Variants in PDE1A observed in about 807,000 individuals in gnomAD.
PDE1A encodes dual specificity calcium/calmodulin-dependent 3',5'-cyclic nucleotide phosphodiesterase 1A.
In PDE1A, 35 loss-of-function variants were observed where a neutral mutation model predicts 61.7. The ratio of observed to expected loss-of-function variants is 0.57; its 90% confidence interval spans 0.43 to 0.75. The LOEUF (loss-of-function observed/expected upper bound fraction) is 0.75, where lower values mean the gene tolerates loss of function less well. Among genes scored for constraint, PDE1A ranks in the 30% least tolerant of loss-of-function variants. The pLI, the probability that PDE1A is intolerant of heterozygous loss-of-function variation, is 0.00. For synonymous variants in PDE1A, 232 were observed against 213.2 expected (o/e 1.09, Z -0.77); for missense variants, 597 against 630.6 (o/e 0.95, Z 0.57).
chr2:182,423,239 A>G (rs189513160), intron 1 of PDE1A, among the ~76,000 whole-genome samples: 45 of 152,272 alleles, frequency 3.0e-4, no homozygotes, highest in African/African-American at 9.6e-4. Flanking sequence ...TTTTTAAAAA[A>G]TAGATTTGAT....
chr2:182,649,232 G>A, the PDE1A span, among the ~76,000 whole-genome samples: 8 of 152,200 alleles, frequency 5.3e-5, no homozygotes, highest in African/African-American at 1.9e-4. Context: ...CCCACTGCCT[G>A]GCGACAGGGT....
chr2:182,231,210 G>T, intron 4 of PDE1A, 79 bp from the exon 5 acceptor site: 1 of 767,126 alleles, frequency 1.3e-6, no homozygotes, highest in Non-Finnish European at 2.2e-6. Flanking sequence ...ATAAGGCATT[G>T]TACATTTAGC....
upstream of PDE1A, among the ~76,000 whole-genome samples, chr2:182,525,964 G>T (rs1192837203): frequency 6.6e-6 from 1 of 151,936 alleles, no homozygotes; most frequent in African/African-American, 2.4e-5. Flanking sequence ...ACATAGCAAT[G>T]GAAAATCATA....
the PDE1A span, among the ~76,000 whole-genome samples, chr2:182,666,401 T>C: frequency 1.3e-5 from 2 of 152,074 alleles, no homozygotes; most frequent in South Asian, 4.1e-4. Flanking sequence ...GTGGATTACC[T>C]GAGATCAGGA....
At chr2:182,490,914 T>C (rs1234497312) in intron 2 of PDE1A, among the ~76,000 whole-genome samples, 2 of 151,936 alleles carry the variant, frequency 1.3e-5, no homozygotes, top group African/African-American at 2.4e-5. Flanking sequence ...GCTGTAGACA[T>C]AGTAGGGAAG....
the PDE1A span, among the ~76,000 whole-genome samples, chr2:182,548,539 A>C: frequency 6.6e-6 from 1 of 152,160 alleles, no homozygotes; most frequent in African/African-American, 2.4e-5. Context: ...TCAAAAACAC[A>C]CACAGACCAA....
chr2:182,534,195 A>T, the PDE1A span, among the ~76,000 whole-genome samples: 3 of 152,016 alleles, frequency 2.0e-5, no homozygotes, highest in Non-Finnish European at 4.4e-5. Flanking sequence ...CTTCTCTTCA[A>T]AATTGTACAT....
chr2:182,596,835 G>A, the PDE1A span, among the ~76,000 whole-genome samples: 3 of 152,144 alleles, frequency 2.0e-5, no homozygotes, highest in Non-Finnish European at 2.9e-5. Context: ...AATGAGGTGT[G>A]AAGAATAGAA....
chr2:182,274,670 A>G (rs1370827165), intron 1 of PDE1A, among the ~76,000 whole-genome samples: 1 of 152,076 alleles, frequency 6.6e-6, no homozygotes, highest in Non-Finnish European at 1.5e-5. Flanking sequence ...TTAGACTCCA[A>G]TTTGATTGAT....
At chr2:182,575,810 ATTAC>A in the PDE1A span, among the ~76,000 whole-genome samples, 2 of 146,542 alleles carry the variant, frequency 1.4e-5, no homozygotes, top group South Asian at 2.1e-4. Flanking sequence ...TTAATTATTA[ATTAC>A]TTAGTCTTTG....
At chr2:182,710,581 A>T in the PDE1A span, among the ~76,000 whole-genome samples, 5 of 152,170 alleles carry the variant, frequency 3.3e-5, no homozygotes, top group Non-Finnish European at 7.4e-5. Context: ...TTTAGATTCT[A>T]CAGATAAGTA....
At chr2:182,434,247 C>T (rs1704099047) in intron 2 of PDE1A, among the ~76,000 whole-genome samples, 1 of 152,044 alleles carries the variant, frequency 6.6e-6, no homozygotes, top group Admixed American at 6.6e-5. Flanking sequence ...TCTTGTAATG[C>T]TTCAAAACAT....
intron 3 of PDE1A, among the ~76,000 whole-genome samples, chr2:182,236,164 A>C (rs1459597443): frequency 2.0e-5 from 3 of 152,236 alleles, no homozygotes; most frequent in Non-Finnish European, 2.9e-5. Flanking sequence ...GTGGGTGATT[A>C]GGTAGAATAA....
the PDE1A span, among the ~76,000 whole-genome samples, chr2:182,579,397 G>A: frequency 3.9e-4 from 60 of 152,310 alleles, no homozygotes; most frequent in African/African-American, 1.3e-3. Flanking sequence ...ATAATACATG[G>A]ACAATAAATG....
chr2:182,536,580 T>C, the PDE1A span, among the ~76,000 whole-genome samples: 80 of 152,236 alleles, frequency 5.3e-4, 1 homozygote, highest in African/African-American at 1.9e-3. Context: ...AGAAAATAAA[T>C]AGAGCAAAGT....
the PDE1A span, among the ~76,000 whole-genome samples, chr2:182,610,412 T>C: frequency 1.3e-5 from 2 of 152,186 alleles, no homozygotes; most frequent in Non-Finnish European, 2.9e-5. Context: ...CCTCAGCTCC[T>C]ACAGCTGTAA....
At chr2:182,315,226 C>A (rs1178867969) in intron 1 of PDE1A, among the ~76,000 whole-genome samples, 3 of 152,140 alleles carry the variant, frequency 2.0e-5, no homozygotes, top group African/African-American at 7.2e-5. Flanking sequence ...TGCATGTGGT[C>A]TCTCCAATCA....
chr2:182,257,942 C>A (rs1016157307), intron 2 of PDE1A, among the ~76,000 whole-genome samples: 38 of 152,082 alleles, frequency 2.5e-4, no homozygotes, highest in African/African-American at 8.0e-4. Context: ...CCGAGGCGGG[C>A]AGATCACGAG....
At chr2:182,701,701 C>T in the PDE1A span, among the ~76,000 whole-genome samples, 1 of 152,016 alleles carries the variant, frequency 6.6e-6, no homozygotes, top group Non-Finnish European at 1.5e-5. Flanking sequence ...AAACCTGTGT[C>T]CAAATGACTA....
Sources: gnomAD v4.1 joint callset for allele counts (sites outside exome capture counted in the v4.1 genomes callset) on GRCh38, gnomAD v4.1.1 for gene constraint, MANE v1.5 for transcripts, NCBI Gene and HGNC (gene_info 2026-07-23, HGNC 2026-07-21) for gene names.